ELSPBP1: variants seen among roughly 807,000 people sequenced by gnomAD.
ELSPBP1 encodes epididymal sperm-binding protein 1.
Under a neutral mutation model 33.3 loss-of-function variants are expected in ELSPBP1, and 38 were observed. The observed-to-expected ratio is 1.14, with a 90% CI of 0.88 to 1.50. The LOEUF (loss-of-function observed/expected upper bound fraction) is 1.50. Ranked by LOEUF, ELSPBP1 falls within the 40% of genes most tolerant of loss-of-function variation. ELSPBP1 has a pLI of 0.00. For synonymous variants in ELSPBP1, 85 were observed against 94.1 expected, an observed-to-expected ratio of 0.90 and a Z score of 0.56; for missense variants, 267 against 263.5, an observed-to-expected ratio of 1.01 and a Z score of -0.09.
intron 4 of ELSPBP1, among the ~76,000 whole-genome samples, chr19:48,019,247 G>T (rs1967172890): frequency 6.6e-6 from 1 of 152,126 alleles, no homozygotes; most frequent in African/African-American, 2.4e-5. Flanking sequence ...TTTCAATGGG[G>T]GATGTGATTT....
intron 3 of ELSPBP1, among the ~76,000 whole-genome samples, chr19:48,015,042 G>A (rs555704708): frequency 3.3e-5 from 5 of 152,286 alleles, no homozygotes; most frequent in East Asian, 1.9e-4. Context: ...TGCTATTGAC[G>A]AGACGGCTTA....
chr19:48,018,527 A>G lies in ELSPBP1; in HGVS notation c.356-1192A>G, dbSNP rs190812331. On this transcript the variant is annotated intron_variant, in intron 4 of 6. Coordinates refer to ENST00000339841, the MANE Select transcript of ELSPBP1 (RefSeq NM_022142.5). ...ATTATCATAACATAATGAACTTTTA[A>G]TAAGCATTTTCTATGTGCCAGGCAG... Among the ~76,000 whole-genome samples, 334 of 152,350 alleles carry G rather than the reference A, an allele frequency of 2.2e-3. 4 individuals carry two copies. Among genetic ancestry groups the G allele is most frequent in the Middle Eastern group, 0.014 (4 of 294 alleles).
intron 1 of ELSPBP1, among the ~76,000 whole-genome samples, chr19:48,007,191 G>A (rs77961740): frequency 6.6e-5 from 10 of 152,184 alleles, no homozygotes; most frequent in Non-Finnish European, 8.8e-5. Flanking sequence ...GTGGCCACCC[G>A]GAGACACAGG....
At chr19:47,998,925 A>G (rs1028979598) in intron 1 of ELSPBP1, among the ~76,000 whole-genome samples, 6 of 152,206 alleles carry the variant, frequency 3.9e-5, no homozygotes, top group Admixed American at 2.6e-4. Flanking sequence ...TAAAGGAGGC[A>G]CTGCGCATGC....
intron 6 of ELSPBP1, among the ~76,000 whole-genome samples, chr19:48,024,113 A>C (rs966121950): frequency 5.4e-5 from 8 of 149,444 alleles, no homozygotes; most frequent in Non-Finnish European, 1.2e-4. Context: ...CAAACTCCTG[A>C]CCTCAGGTGA....
At chr19:48,014,968 G>C (rs1456220438) in intron 3 of ELSPBP1, among the ~76,000 whole-genome samples, 1 of 152,060 alleles carries the variant, frequency 6.6e-6, no homozygotes, top group Non-Finnish European at 1.5e-5. Context: ...GTAAGAAACG[G>C]GATTTGAGGC....
At chr19:48,009,282 G>A (rs948326372) in intron 2 of ELSPBP1, among the ~76,000 whole-genome samples, 10 of 152,106 alleles carry the variant, frequency 6.6e-5, no homozygotes, top group South Asian at 2.1e-4. Context: ...TTTATCTCAC[G>A]GGGTTATTTT....
chr19:48,023,512 G>A (rs1290247415), intron 6 of ELSPBP1, among the ~76,000 whole-genome samples: 23 of 88,582 alleles, frequency 2.6e-4, no homozygotes, highest in Admixed American at 2.3e-3. Context: ...AAAGAGGAAG[G>A]AAATAAGGAA....
chr19:48,003,200 T>A (rs1429627119), intron 1 of ELSPBP1, among the ~76,000 whole-genome samples: 1 of 152,220 alleles, frequency 6.6e-6, no homozygotes, highest in African/African-American at 2.4e-5. Flanking sequence ...TTATTTTGAA[T>A]GGCCCCTAAA....
intron 4 of ELSPBP1, among the ~76,000 whole-genome samples, chr19:48,017,899 A>C (rs1457540695): frequency 1.5e-5 from 2 of 135,086 alleles, no homozygotes; most frequent in Non-Finnish European, 3.3e-5. Context: ...CTTGTCTCAA[A>C]AAAAAAAAAA....
At chr19:48,016,106 G>C (rs1967129955) in intron 4 of ELSPBP1, 67 bp downstream of exon 4, 1 of 1,571,590 alleles carries the variant, frequency 6.4e-7, no homozygotes. Context: ...ATCCTCCTGA[G>C]GGGAGGCTGG....
intron 2 of ELSPBP1, 123 bp downstream of exon 2, chr19:48,008,860 G>T (rs1214070459): frequency 2.4e-6 from 2 of 844,048 alleles, no homozygotes; most frequent in Admixed American, 2.2e-5. Flanking sequence ...AAGAAGCTGG[G>T]CGCGGTGGCT....
At chr19:47,995,436 T>C (rs1243643500) in intron 1 of ELSPBP1, among the ~76,000 whole-genome samples, 1 of 152,190 alleles carries the variant, frequency 6.6e-6, no homozygotes, top group African/African-American at 2.4e-5. Flanking sequence ...AAAATCTTCA[T>C]GGTTCTGTCA....
At chr19:48,012,081 A>G (rs1286338927) in intron 2 of ELSPBP1, among the ~76,000 whole-genome samples, 3 of 152,148 alleles carry the variant, frequency 2.0e-5, no homozygotes, top group Non-Finnish European at 4.4e-5. Flanking sequence ...AAAAAAATTT[A>G]CACATCAAAA....
At chr19:47,996,068 G>A (rs1158884950) in intron 1 of ELSPBP1, among the ~76,000 whole-genome samples, 1 of 152,198 alleles carries the variant, frequency 6.6e-6, no homozygotes, top group Non-Finnish European at 1.5e-5. Context: ...TTTGAAGACA[G>A]CTATCATATC....
intron 1 of ELSPBP1, among the ~76,000 whole-genome samples, chr19:48,005,550 A>T (rs1967009518): frequency 6.6e-6 from 1 of 152,218 alleles, no homozygotes; most frequent in Non-Finnish European, 1.5e-5. Context: ...GTATCTCAAC[A>T]GCCAAAGCTT....
chr19:48,002,504 G>A (rs1269298280), intron 1 of ELSPBP1, among the ~76,000 whole-genome samples: 1 of 152,104 alleles, frequency 6.6e-6, no homozygotes, highest in Non-Finnish European at 1.5e-5. Context: ...AAAACATCTC[G>A]CTTGGGCCGG....
chr19:47,999,138 C>G (rs1236694876), intron 1 of ELSPBP1, among the ~76,000 whole-genome samples: 2 of 152,190 alleles, frequency 1.3e-5, no homozygotes, highest in South Asian at 2.1e-4. Flanking sequence ...CCTTCCCTGA[C>G]CACCAAAGGA....
At chr19:48,023,527 G>GAAA in intron 6 of ELSPBP1, among the ~76,000 whole-genome samples, 5 of 93,450 alleles carry the variant, frequency 5.4e-5, no homozygotes, top group East Asian at 2.7e-4. Context: ...AAGGAAGGAA[G>GAAA]GGAGGAAGGA....
Sources: gnomAD v4.1 joint callset for allele counts (sites outside exome capture counted in the v4.1 genomes callset) on GRCh38, gnomAD v4.1.1 for gene constraint, MANE v1.5 for transcripts, NCBI Gene and HGNC (gene_info 2026-07-23, HGNC 2026-07-21) for gene names.